The following LRRC8C variants were observed in gnomAD, a reference collection of about 807,000 sequenced individuals.
The protein encoded by LRRC8C is leucine rich repeat containing 8 VRAC subunit C, also known as volume-regulated anion channel subunit LRRC8C.
In LRRC8C, 20 loss-of-function variants were observed where a neutral mutation model predicts 55.3. That is an observed-to-expected ratio of 0.36 (90% CI 0.25 to 0.53). The LOEUF is 0.53. Among genes scored for constraint, LRRC8C ranks in the 20% least tolerant of loss-of-function variants. The pLI is 0.92. For synonymous variants in LRRC8C, 376 were observed against 360.7 expected (o/e 1.04, Z -0.48); for missense variants, 659 against 951.4 (o/e 0.69, Z 4.04).
chr1:89,687,009 A>T, intron 2 of LRRC8C, among the ~76,000 whole-genome samples: 1 of 152,364 alleles, frequency 6.6e-6, no homozygotes, highest in East Asian at 1.9e-4. Flanking sequence ...TTTCTGGAAG[A>T]ACTAAAATTT....
chr1:89,684,182 C>T (rs1213450810), intron 1 of LRRC8C, among the ~76,000 whole-genome samples: 2 of 152,090 alleles, frequency 1.3e-5, no homozygotes, highest in Non-Finnish European at 2.9e-5. Flanking sequence ...TGTTTTAGAG[C>T]ATGAGGGGTT....
the LRRC8C span, among the ~76,000 whole-genome samples, chr1:89,625,869 C>G: frequency 3.3e-5 from 5 of 152,178 alleles, no homozygotes; most frequent in Non-Finnish European, 7.3e-5. Flanking sequence ...AAGTTGTGAT[C>G]TGACAGGCTC....
At chr1:89,699,178 AG>A (rs1427046297) in intron 2 of LRRC8C, among the ~76,000 whole-genome samples, 3 of 152,198 alleles carry the variant, frequency 2.0e-5, no homozygotes, top group Non-Finnish European at 4.4e-5. Context: ...ATTCTGGAAA[AG>A]GCAAAACTAC....
intron 1 of LRRC8C, among the ~76,000 whole-genome samples, chr1:89,638,892 T>A (rs1656372305): frequency 6.6e-6 from 1 of 152,098 alleles, no homozygotes; most frequent in African/African-American, 2.4e-5. Flanking sequence ...TTTTGACTAA[T>A]CAATTGTATG....
intron 1 of LRRC8C, among the ~76,000 whole-genome samples, chr1:89,643,639 A>G (rs1216258639): frequency 2.0e-5 from 3 of 152,214 alleles, no homozygotes; most frequent in Non-Finnish European, 4.4e-5. Flanking sequence ...GTGTTTTTGT[A>G]AGTTTACCTC....
the LRRC8C span, chr1:89,624,799 A>C: frequency 2.8e-4 from 42 of 152,360 alleles, no homozygotes; most frequent in African/African-American, 1.0e-3. Flanking sequence ...TAGGTGTAAT[A>C]AAGGAAATAG....
Position 89,702,457 on chromosome 1 carries a change from G to A in LRRC8C, c.139-10252G>A, listed in dbSNP as rs112078621. Among the ~76,000 whole-genome samples, 836 of 152,176 alleles carry A rather than the reference G, an allele frequency of 5.5e-3. 10 individuals are homozygous for A. Among genetic ancestry groups the A allele is most frequent in the African/African-American group, 0.019 (790 of 41,514 alleles). Reference sequence around the variant, plus strand: ...ACATAACATTTAAAAAGTAGGGGCCGGGTACCGTGGTGAACACCTGTAATC... The same window carrying A: ...ACATAACATTTAAAAAGTAGGGGCCAGGTACCGTGGTGAACACCTGTAATC... On this transcript the variant is annotated intron_variant, in intron 2 of 2. Transcript: ENST00000370454.
intron 1 of LRRC8C, among the ~76,000 whole-genome samples, chr1:89,653,407 A>G (rs1169541426): frequency 1.3e-5 from 2 of 149,440 alleles, no homozygotes; most frequent in Admixed American, 6.6e-5. Context: ...GTTCACTGTC[A>G]TGTATCATGT....
At chr1:89,657,716 G>T (rs560229483) in intron 1 of LRRC8C, among the ~76,000 whole-genome samples, 70 of 141,664 alleles carry the variant, frequency 4.9e-4, no homozygotes, top group African/African-American at 1.7e-3. Flanking sequence ...CTTCAGCCTG[G>T]GTGACAGAGT....
At chr1:89,695,171 C>G (rs1309382434) in intron 2 of LRRC8C, among the ~76,000 whole-genome samples, 2 of 152,146 alleles carry the variant, frequency 1.3e-5, no homozygotes, top group Non-Finnish European at 2.9e-5. Context: ...ATCTGCCCCC[C>G]TCGGGCTCCC....
At chr1:89,692,987 G>A (rs1346272201) in intron 2 of LRRC8C, among the ~76,000 whole-genome samples, 1 of 152,154 alleles carries the variant, frequency 6.6e-6, no homozygotes, top group East Asian at 1.9e-4. Context: ...TTAGAAACCA[G>A]AAACAGGAAC....
intron 1 of LRRC8C, among the ~76,000 whole-genome samples, chr1:89,650,520 C>T (rs1656735208): frequency 6.6e-6 from 1 of 151,958 alleles, no homozygotes; most frequent in Non-Finnish European, 1.5e-5. Flanking sequence ...TATATTTCCC[C>T]AAGTAATCCA....
At chr1:89,642,150 G>T (rs1327899445) in intron 1 of LRRC8C, among the ~76,000 whole-genome samples, 1 of 152,108 alleles carries the variant, frequency 6.6e-6, no homozygotes, top group Non-Finnish European at 1.5e-5. Flanking sequence ...ATCAGATTTT[G>T]CCTCTAGTAC....
intron 1 of LRRC8C, among the ~76,000 whole-genome samples, chr1:89,649,218 A>G (rs1333953072): frequency 6.6e-6 from 1 of 152,212 alleles, no homozygotes; most frequent in Non-Finnish European, 1.5e-5. Flanking sequence ...TGTCTTTTTA[A>G]TGACGTTTAA....
chr1:89,634,066 C>T (rs1209938777), intron 1 of LRRC8C, among the ~76,000 whole-genome samples: 1 of 152,170 alleles, frequency 6.6e-6, no homozygotes, highest in Non-Finnish European at 1.5e-5. Context: ...CTCCCTCAGC[C>T]GGTTCTTCCC....
chr1:89,703,529 ACAAT>A (rs1338755752), intron 2 of LRRC8C, among the ~76,000 whole-genome samples: 6 of 150,928 alleles, frequency 4.0e-5, no homozygotes, highest in Non-Finnish European at 5.9e-5. Flanking sequence ...ATAAACAAAC[ACAAT>A]CAAGTACAGA....
chr1:89,626,802 C>T, the LRRC8C span: 1 of 152,070 alleles, frequency 6.6e-6, no homozygotes, highest in African/African-American at 2.4e-5. Flanking sequence ...CATGGAAGGT[C>T]TCTGAACTCC....
intron 1 of LRRC8C, chr1:89,668,279 C>T (rs1486314223): frequency 6.6e-6 from 1 of 152,518 alleles, no homozygotes; most frequent in Non-Finnish European, 1.5e-5. Flanking sequence ...CTGCATTCTC[C>T]ACCCAAGGAT....
intron 2 of LRRC8C, among the ~76,000 whole-genome samples, chr1:89,703,202 TA>T (rs1257772597): frequency 6.6e-6 from 1 of 152,164 alleles, no homozygotes; most frequent in Non-Finnish European, 1.5e-5. Context: ...AAAGCTACCT[TA>T]AAGATAGATT....
Sources: allele counts gnomAD v4.1 joint callset (sites outside exome capture counted in the v4.1 genomes callset), GRCh38; gene constraint gnomAD v4.1.1; transcripts MANE v1.5; gene names NCBI Gene and HGNC (gene_info 2026-07-23, HGNC 2026-07-21).